Variants in PTPRN2 observed in about 807,000 individuals in gnomAD.
PTPRN2 encodes receptor-type tyrosine-protein phosphatase N2.
In PTPRN2, 74 loss-of-function variants were observed where a neutral mutation model predicts 118.8. The observed-to-expected ratio is 0.62, with a 90% CI of 0.52 to 0.76. PTPRN2 has a LOEUF of 0.76. Among genes scored for constraint, PTPRN2 ranks in the 30% least tolerant of loss-of-function variants. The pLI is 0.00. For missense variants in PTPRN2, 1,481 were observed against 1,394.4 expected (o/e 1.06, Z -0.99); for synonymous variants, 641 against 608.0 (o/e 1.05, Z -0.80).
chr7:158,051,435 T>C (rs778857359), intron 11 of PTPRN2, among the ~76,000 whole-genome samples: 1 of 152,222 alleles, frequency 6.6e-6, no homozygotes, highest in Non-Finnish European at 1.5e-5. Flanking sequence ...CTCCCAAGTC[T>C]GTCTGCCAGC....
In PTPRN2 at chr7:158,509,864, A is replaced by G. The variant is rs1036144294; in HGVS notation, c.113-20079T>C. ...CTGTAAGTGATTTGGTGCATCTTAG[A>G]TAGTCATTCCACCCGGCAAGCACCA... is the stretch of plus-strand genomic sequence containing the variant. On this transcript the variant is annotated intron_variant, in intron 1 of 22. Transcript: ENST00000389418. The surrounding 1 kb of genome is among the most constrained non-coding windows in gnomAD (Gnocchi z 4.4). Among the ~76,000 whole-genome samples, 6 of 152,148 alleles carry G rather than the reference A, an allele frequency of 3.9e-5. No homozygotes were observed. The highest frequency in any genetic ancestry group is 1.4e-4 in the African/African-American group (6 of 41,452).
intron 3 of PTPRN2, among the ~76,000 whole-genome samples, chr7:158,278,908 C>T (rs1404292786): frequency 6.6e-6 from 1 of 152,036 alleles, no homozygotes; most frequent in African/African-American, 2.4e-5. Context: ...TGTTACAGCT[C>T]ATAAAGGTAG....
intron 12 of PTPRN2, among the ~76,000 whole-genome samples, chr7:157,852,774 C>T (rs1409273991): frequency 6.7e-6 from 1 of 148,496 alleles, no homozygotes; most frequent in Non-Finnish European, 1.5e-5. Flanking sequence ...GAGGCTGAGG[C>T]AGGAGAATCG....
rs1290446881 is a variant in PTPRN2 at position 158,523,173 on chromosome 7, G to A, written c.113-33388C>T. On this transcript the variant is annotated intron_variant, in intron 1 of 22. Coordinates refer to ENST00000389418, the MANE Select transcript of PTPRN2 (RefSeq NM_002847.5). ...GACATCACAGGAAGCACAAGTTGGA[G>A]GGGCCAGACGGGTTGCAGCCAGGTT... Among the ~76,000 whole-genome samples, 4 of 152,310 alleles carry A rather than the reference G, an allele frequency of 2.6e-5. No homozygotes were observed. The East Asian group carries it at 7.7e-4, about 29-fold the overall frequency.
intron 12 of PTPRN2, among the ~76,000 whole-genome samples, chr7:157,826,534 G>A (rs1453040620): frequency 1.5e-5 from 2 of 137,336 alleles, no homozygotes; most frequent in Non-Finnish European, 3.1e-5. Context: ...ACAATCGCGA[G>A]CGCCATTTCC....
chr7:158,036,518 G>A (rs1479753976), intron 11 of PTPRN2, among the ~76,000 whole-genome samples: 1 of 152,016 alleles, frequency 6.6e-6, no homozygotes, highest in Non-Finnish European at 1.5e-5. Flanking sequence ...GAAAATAAGG[G>A]AATTCCATTT....
At chr7:158,515,164 G>A (rs1165108421) in intron 1 of PTPRN2, among the ~76,000 whole-genome samples, 2 of 151,900 alleles carry the variant, frequency 1.3e-5, no homozygotes, top group Non-Finnish European at 2.9e-5. Flanking sequence ...TGCACCAGCT[G>A]GTGTTTCCCT....
chr7:157,783,574 G>T (rs563626705), intron 12 of PTPRN2, among the ~76,000 whole-genome samples: 1 of 150,058 alleles, frequency 6.7e-6, no homozygotes, highest in South Asian at 2.2e-4. Flanking sequence ...AGGGGCCAGC[G>T]GAGTCCATAC....
At chr7:157,604,191 G>A in intron 15 of PTPRN2, 116 bp from the exon 16 acceptor site, 1 of 903,214 alleles carries the variant, frequency 1.1e-6, no homozygotes, top group East Asian at 2.5e-5. Flanking sequence ...CCAGCCTCCA[G>A]GGTCCATCAC....
intron 12 of PTPRN2, among the ~76,000 whole-genome samples, chr7:157,877,566 T>C (rs1326527010): frequency 6.6e-6 from 1 of 152,156 alleles, no homozygotes. Context: ...ACCCAGGGTT[T>C]CCTCGGGGTC....
intron 12 of PTPRN2, among the ~76,000 whole-genome samples, chr7:157,807,652 C>A (rs1160512991): frequency 1.3e-5 from 2 of 152,222 alleles, no homozygotes; most frequent in East Asian, 3.9e-4. Flanking sequence ...TGCCTGAGAG[C>A]TGACAAATCC....
intron 21 of PTPRN2, among the ~76,000 whole-genome samples, chr7:157,557,641 T>C (rs970541213): frequency 3.3e-5 from 5 of 152,016 alleles, no homozygotes; most frequent in Admixed American, 1.3e-4. Flanking sequence ...TAAAGACTTA[T>C]GAAAATTATA....
intron 17 of PTPRN2, among the ~76,000 whole-genome samples, chr7:157,582,649 GTGGATCA>G: frequency 6.6e-6 from 1 of 152,126 alleles, no homozygotes; most frequent in Non-Finnish European, 1.5e-5. Context: ...GCCGAGGCAG[GTGGATCA>G]CGAGGTCAGG....
intron 2 of PTPRN2, among the ~76,000 whole-genome samples, chr7:158,383,394 G>T (rs1006953844): frequency 3.3e-5 from 5 of 152,048 alleles, no homozygotes; most frequent in African/African-American, 1.2e-4. Context: ...TAAACAAAAT[G>T]GGAAATAGCA....
chr7:157,770,247 A>G (rs1441168987), intron 12 of PTPRN2, among the ~76,000 whole-genome samples: 2 of 152,244 alleles, frequency 1.3e-5, no homozygotes, highest in Admixed American at 1.3e-4. Flanking sequence ...GTTTATGTAG[A>G]TAGAATATGA....
chr7:158,461,261 C>T (rs1442757494), intron 2 of PTPRN2, among the ~76,000 whole-genome samples: 2 of 151,980 alleles, frequency 1.3e-5, no homozygotes, highest in Non-Finnish European at 2.9e-5. Flanking sequence ...TTTGGGAGGC[C>T]GAAGGGGGTG....
chr7:158,446,785 T>C (rs1424872233), intron 2 of PTPRN2, among the ~76,000 whole-genome samples: 1 of 152,234 alleles, frequency 6.6e-6, no homozygotes, highest in Non-Finnish European at 1.5e-5. Context: ...CCCCAGCCTC[T>C]GTCCACCATC....
At chr7:158,043,936 T>C (rs73171533) in intron 11 of PTPRN2, among the ~76,000 whole-genome samples, 4,387 of 152,320 alleles carry the variant, frequency 0.029, 84 homozygotes, top group Non-Finnish European at 0.044. Flanking sequence ...GTTGAGCACC[T>C]AACGTACGCT....
At chr7:157,844,092 C>T (rs58037842) in intron 12 of PTPRN2, among the ~76,000 whole-genome samples, 6,321 of 151,472 alleles carry the variant, frequency 0.042, 447 homozygotes, top group African/African-American at 0.14. Flanking sequence ...GGATGTGGAA[C>T]GCAGGCCCCT....
Sources: gnomAD v4.1 joint callset for allele counts (sites outside exome capture counted in the v4.1 genomes callset) on GRCh38, gnomAD v4.1.1 for gene constraint, Gnocchi (gnomAD v3.1) non-coding constraint, MANE v1.5 for transcripts, NCBI Gene and HGNC (gene_info 2026-07-23, HGNC 2026-07-21) for gene names.